Variants in TPRA1 observed in about 807,000 individuals in gnomAD.
TPRA1 encodes the protein transmembrane protein adipocyte associated 1.
A neutral mutation model predicts 40.1 loss-of-function variants in TPRA1; 28 were observed. The ratio of observed to expected loss-of-function variants is 0.70; its 90% CI spans 0.52 to 0.96. The LOEUF is 0.96. TPRA1 is among the 40% of genes least tolerant of loss of function. The pLI, the probability that TPRA1 is intolerant of heterozygous loss-of-function variation, is 0.00. For missense variants in TPRA1, 441 were observed against 482.6 expected (o/e 0.91, Z 0.81); for synonymous variants, 219 against 209.7 (o/e 1.04, Z -0.38).
chr3:127,573,691 C>T lies in TPRA1; in HGVS notation c.952G>A (p.Glu318Lys), dbSNP rs2073459957. The T allele has an allele frequency of 6.2e-7, 1 of 1,613,416 alleles. No individual in the cohort carries two copies. Among genetic ancestry groups the T allele is most frequent in the African/African-American group, 1.3e-5 (1 of 74,958 alleles). Residue 318 changes from glutamate (E) to lysine (K), a missense_variant, in exon 11 of 11, where the codon GAG becomes AAG. By Grantham distance (56) the Glu-to-Lys change is moderately conservative. Coordinates refer to ENST00000355552, the MANE Select transcript of TPRA1 (RefSeq NM_001136053.4). ...GCAGCCCCTGCAGCCTCCAGGCCCTCCCGCCGGGCCACAGCGTAGGGCTGG... is the reference window on the plus strand; with the variant it reads ...GCAGCCCCTGCAGCCTCCAGGCCCTTCCGCCGGGCCACAGCGTAGGGCTGG... ...LPQPYAVARR[E>K]GLEAAGAAGA...
chr3:127,575,613 GC>G (rs2073585155), intron 8 of TPRA1, 108 bp from the exon 9 acceptor site: 1 of 1,460,066 alleles, frequency 6.8e-7, no homozygotes, highest in Admixed American at 1.9e-5. Flanking sequence ...GCCCCTCTAG[GC>G]CTCCCTCTCA....
intron 1 of TPRA1, chr3:127,588,305 T>A (rs1576396192): frequency 6.6e-6 from 1 of 152,220 alleles, no homozygotes; most frequent in Non-Finnish European, 1.5e-5. Context: ...GGCTCCCAGG[T>A]GGTGCCCCTG....
At chr3:127,583,392 GA>G (rs2073893926) in intron 1 of TPRA1, among the ~76,000 whole-genome samples, 2 of 152,102 alleles carry the variant, frequency 1.3e-5, no homozygotes, top group South Asian at 4.1e-4. Flanking sequence ...CAGCTAATAG[GA>G]AGGCTGAGGT....
At chr3:127,580,330 C>G (rs1559841079) in intron 1 of TPRA1, 167 bp from the exon 2 acceptor site, 1 of 717,022 alleles carries the variant, frequency 1.4e-6, no homozygotes, top group Admixed American at 3.1e-5. Context: ...CAGGTCACGA[C>G]CCAATCCCCC....
upstream of TPRA1, among the ~76,000 whole-genome samples, chr3:127,594,098 G>T (rs2074220129): frequency 6.6e-6 from 1 of 152,228 alleles, no homozygotes; most frequent in Non-Finnish European, 1.5e-5. Flanking sequence ...TGCTCCAGCG[G>T]GCAGAAGATT....
chr3:127,575,462 G>T lies in TPRA1; in HGVS notation c.714C>A (p.Leu238=). 6.2e-7 allele frequency: 1 copy of T among 1,602,930 alleles called. No individual in the cohort carries two copies. ...FYVYAGILAL[L]NLLQGLGSVL... is the part of the protein sequence containing the mutation. ...CACTCCCCAGCCCCTGCAGTAGGTT[G>T]AGCAGTGCCAGGATGCCCGCATACA... is the stretch of plus-strand genomic sequence containing the variant. Residue 238 remains leucine, a synonymous_variant, in exon 9 of 11, where the codon CTC becomes CTA. Transcript: ENST00000355552.
upstream of TPRA1, chr3:127,591,862 GTTA>G (rs2074175884): frequency 6.6e-6 from 1 of 152,210 alleles, no homozygotes; most frequent in Non-Finnish European, 1.5e-5. Context: ...TAGGCACTCA[GTTA>G]TTACAGGCAC....
rs374695022 is a variant in TPRA1 at position 127,572,830 on chromosome 3, C to T, written c.*691G>A. Among the ~76,000 whole-genome samples, 1 of 152,202 alleles carries T rather than the reference C, an allele frequency of 6.6e-6. No homozygotes were observed. Among genetic ancestry groups the T allele is most frequent in the South Asian group, 2.1e-4 (1 of 4,832 alleles). ...AAGGGAGAGGGGCTGGCTCACAAAA[C>T]ATAGTTCTCCTCTCTCTCCATGTCT... On this transcript the variant is annotated 3_prime_UTR_variant, in exon 11 of 11. Coordinates refer to ENST00000355552, the MANE Select transcript of TPRA1 (RefSeq NM_001136053.4).
rs1468622135 is a variant in TPRA1 at position 127,572,229 on chromosome 3, C to CT, written c.*1291dup. On this transcript the variant is annotated 3_prime_UTR_variant, in exon 11 of 11. Coordinates refer to ENST00000355552, the MANE Select transcript of TPRA1 (RefSeq NM_001136053.4). Reference sequence around the variant, plus strand: ...TGTGCCCTCGGCACCCCATTCCCCCCTAAAAAAAAAAGGCTGATCGCGGAG... The same window carrying CT: ...TGTGCCCTCGGCACCCCATTCCCCCCTTAAAAAAAAAAGGCTGATCGCGGAG... Among the ~76,000 whole-genome samples, 1 of 151,964 alleles carries CT rather than the reference C, an allele frequency of 6.6e-6. No individual in the cohort carries two copies. The highest frequency in any genetic ancestry group is 1.5e-5 in the Non-Finnish European group (1 of 67,960).
chr3:127,587,500 G>A (rs367852311), intron 1 of TPRA1, among the ~76,000 whole-genome samples: 4 of 152,048 alleles, frequency 2.6e-5, no homozygotes, highest in Admixed American at 2.0e-4. Context: ...TCAACAAGAC[G>A]GGGCTGCACT....
chr3:127,577,983 G>A (rs1216082678), intron 3 of TPRA1, among the ~76,000 whole-genome samples: 1 of 152,252 alleles, frequency 6.6e-6, no homozygotes, highest in Non-Finnish European at 1.5e-5. Flanking sequence ...AGGGCAGATG[G>A]CGAGAGAGCA....
At chr3:127,583,920 C>T (rs959306089) in intron 1 of TPRA1, among the ~76,000 whole-genome samples, 6 of 151,816 alleles carry the variant, frequency 4.0e-5, no homozygotes, top group Non-Finnish European at 8.8e-5. Context: ...CCGCCCACCT[C>T]GGCCTCCCAA....
intron 10 of TPRA1, chr3:127,574,933 T>A (rs2073532639): frequency 3.6e-6 from 2 of 553,656 alleles, no homozygotes; most frequent in Non-Finnish European, 6.5e-6. Context: ...TGTGTGTGCA[T>A]GTGCATGTGT....
chr3:127,574,883 T>G, intron 10 of TPRA1: 1 of 450,834 alleles, frequency 2.2e-6, no homozygotes, highest in East Asian at 4.3e-5. Flanking sequence ...CACGTGCATG[T>G]TTGTGTGCAT....
intron 1 of TPRA1, among the ~76,000 whole-genome samples, chr3:127,584,518 ACAGAGAG>A (rs1174771939): frequency 6.6e-6 from 1 of 151,598 alleles, no homozygotes. Flanking sequence ...AGTGAAGAAA[ACAGAGAG>A]GTGGAGCAGA....
intron 1 of TPRA1, among the ~76,000 whole-genome samples, chr3:127,583,240 G>C (rs567742550): frequency 5.9e-4 from 90 of 152,110 alleles, no homozygotes; most frequent in African/African-American, 2.0e-3. Context: ...TTGAACCCAG[G>C]AGGCAGAGGT....
intron 1 of TPRA1, among the ~76,000 whole-genome samples, chr3:127,590,069 C>CG (rs1452855171): frequency 2.0e-5 from 3 of 152,204 alleles, no homozygotes; most frequent in African/African-American, 7.2e-5. Flanking sequence ...GGCTGGAGCC[C>CG]GTGCCGCCAC....
chr3:127,598,086 G>A (rs1254769954), exon 1 of TPRA1: 2 of 341,872 alleles, frequency 5.9e-6, no homozygotes, highest in South Asian at 2.3e-5. Context: ...GATTACAGGC[G>A]TGAGCCACCG....
intron 10 of TPRA1, 42 bp downstream of exon 10, chr3:127,575,143 C>T (rs1018282730): frequency 3.1e-6 from 5 of 1,601,110 alleles, no homozygotes; most frequent in Non-Finnish European, 4.3e-6. Flanking sequence ...AGGCGCAGTT[C>T]CGCCGGCAGC....
Sources: gnomAD v4.1 joint callset for allele counts (sites outside exome capture counted in the v4.1 genomes callset) on GRCh38, gnomAD v4.1.1 for gene constraint, MANE v1.5 for transcripts, NCBI Gene and HGNC (gene_info 2026-07-23, HGNC 2026-07-21) for gene names.